The following STPG2 variants were observed in gnomAD, a reference collection of about 807,000 sequenced individuals.
The protein encoded by STPG2 is sperm tail PG-rich repeat containing 2.
In STPG2, 56 loss-of-function variants were observed where a neutral mutation model predicts 54.2. That is an observed-to-expected ratio of 1.03 (90% CI 0.83 to 1.29). The LOEUF is 1.29. Ranked by LOEUF, STPG2 falls within the 50% of genes most tolerant of loss-of-function variation. The pLI is 0.00. For missense variants in STPG2, 596 were observed against 544.9 expected, an observed-to-expected ratio of 1.09 and a Z score of -0.93; for synonymous variants, 200 against 181.8, an observed-to-expected ratio of 1.10 and a Z score of -0.81.
chr4:97,982,483 C>A (rs563102653), intron 5 of STPG2, among the ~76,000 whole-genome samples: 3 of 151,680 alleles, frequency 2.0e-5, no homozygotes, highest in African/African-American at 7.3e-5. Context: ...AAAAAAAATG[C>A]AGATATTTTC....
At chr4:97,884,647 C>T (rs1428102335) in intron 8 of STPG2, among the ~76,000 whole-genome samples, 1 of 151,654 alleles carries the variant, frequency 6.6e-6, no homozygotes, top group African/African-American at 2.4e-5. Flanking sequence ...CAAACTAATA[C>T]ACAAACAAAG....
chr4:97,906,717 C>G (rs1731440132), intron 8 of STPG2, among the ~76,000 whole-genome samples: 1 of 151,766 alleles, frequency 6.6e-6, no homozygotes, highest in Non-Finnish European at 1.5e-5. Context: ...TCAATATACA[C>G]AAATCAATAA....
At chr4:97,523,706 T>C (rs1731226254) in intron 4 of STPG2, among the ~76,000 whole-genome samples, 1 of 151,978 alleles carries the variant, frequency 6.6e-6, no homozygotes, top group South Asian at 2.1e-4. Context: ...GAAAAAACAC[T>C]GGGCAGTGAA....
chr4:97,564,814 G>C (rs1432249733), intron 10 of STPG2, among the ~76,000 whole-genome samples: 1 of 152,172 alleles, frequency 6.6e-6, no homozygotes, highest in Non-Finnish European at 1.5e-5. Flanking sequence ...TGGTTAGTCT[G>C]ATGGGCTTCC....
chr4:98,031,442 G>T (rs1465405574), intron 5 of STPG2, among the ~76,000 whole-genome samples: 2 of 152,136 alleles, frequency 1.3e-5, no homozygotes, highest in Non-Finnish European at 2.9e-5. Flanking sequence ...ACTTTGGGAG[G>T]CTGAGATGGG....
intron 5 of STPG2, among the ~76,000 whole-genome samples, chr4:98,089,369 T>TA (rs1407914808): frequency 6.6e-6 from 1 of 152,114 alleles, no homozygotes. Context: ...CAGGTTGCTG[T>TA]AAAAGACATT....
intron 4 of STPG2, among the ~76,000 whole-genome samples, chr4:97,455,394 T>A (rs1174998599): frequency 6.6e-6 from 1 of 150,810 alleles, no homozygotes; most frequent in Non-Finnish European, 1.5e-5. Flanking sequence ...CCCGAGACCC[T>A]AGTGGGAGGA....
At chr4:97,577,717 C>A (rs1309174939) in intron 10 of STPG2, among the ~76,000 whole-genome samples, 1 of 152,118 alleles carries the variant, frequency 6.6e-6, no homozygotes, top group African/African-American at 2.4e-5. Flanking sequence ...CACATGTATT[C>A]CTGAATCTAA....
chr4:97,757,587 C>T (rs978539123), intron 9 of STPG2, among the ~76,000 whole-genome samples: 2 of 152,112 alleles, frequency 1.3e-5, no homozygotes, highest in Admixed American at 6.6e-5. Context: ...GAATATATAT[C>T]CGTAACACAA....
chr4:97,829,606 C>T (rs889947370), intron 9 of STPG2, among the ~76,000 whole-genome samples: 6 of 151,974 alleles, frequency 3.9e-5, no homozygotes, highest in African/African-American at 9.7e-5. Flanking sequence ...TAACCCAATG[C>T]GAGGAAGCTA....
chr4:97,706,313 A>C (rs770752124), intron 10 of STPG2, among the ~76,000 whole-genome samples: 1 of 152,108 alleles, frequency 6.6e-6, no homozygotes, highest in Non-Finnish European at 1.5e-5. Context: ...CTGTCAATCC[A>C]TATGTTGAAA....
intron 8 of STPG2, among the ~76,000 whole-genome samples, chr4:97,908,541 T>C (rs1328679203): frequency 6.6e-6 from 1 of 152,106 alleles, no homozygotes; most frequent in African/African-American, 2.4e-5. Context: ...TTATAAATCA[T>C]GCTGCTATAA....
chr4:98,096,839 A>G (rs1738874571), intron 5 of STPG2, among the ~76,000 whole-genome samples: 1 of 152,194 alleles, frequency 6.6e-6, no homozygotes. Context: ...ATTAGTGGCT[A>G]CTATGAGCAA....
intron 5 of STPG2, among the ~76,000 whole-genome samples, chr4:97,990,513 GC>G (rs1438971420): frequency 6.6e-6 from 1 of 151,982 alleles, no homozygotes; most frequent in Non-Finnish European, 1.5e-5. Context: ...TAAATACATA[GC>G]CCCCCAGTTC....
At chr4:97,751,856 T>C (rs1222861801) in intron 9 of STPG2, among the ~76,000 whole-genome samples, 1 of 151,712 alleles carries the variant, frequency 6.6e-6, no homozygotes, top group Admixed American at 6.6e-5. Context: ...TTAGGACTTC[T>C]AATTACTGCC....
intron 4 of STPG2, among the ~76,000 whole-genome samples, chr4:97,549,386 C>G (rs1280064569): frequency 6.6e-6 from 1 of 152,140 alleles, no homozygotes; most frequent in African/African-American, 2.4e-5. Flanking sequence ...CTTTCACTTT[C>G]ATAGTCACTC....
intron 10 of STPG2, among the ~76,000 whole-genome samples, chr4:97,701,445 T>A (rs1160611091): frequency 6.6e-6 from 1 of 152,198 alleles, no homozygotes; most frequent in Non-Finnish European, 1.5e-5. Context: ...AAATGTCTGA[T>A]AATTTCCCTT....
chr4:97,968,567 A>G (rs1011231038), intron 7 of STPG2, among the ~76,000 whole-genome samples: 9 of 152,220 alleles, frequency 5.9e-5, no homozygotes, highest in African/African-American at 2.2e-4. Flanking sequence ...ATCCAGCAGC[A>G]TATCAAAAAG....
chr4:97,616,056 A>AT (rs1491113760), intron 10 of STPG2, among the ~76,000 whole-genome samples: 708 of 65,790 alleles, frequency 0.011, 56 homozygotes, highest in African/African-American at 0.049. Context: ...AAATACATAT[A>AT]AATATATATA....
Sources: gnomAD v4.1 joint callset for allele counts (sites outside exome capture counted in the v4.1 genomes callset) on GRCh38, gnomAD v4.1.1 for gene constraint, MANE v1.5 for transcripts, NCBI Gene and HGNC (gene_info 2026-07-23, HGNC 2026-07-21) for gene names.